KATNAL2: variants seen among roughly 807,000 people sequenced by gnomAD.
KATNAL2 encodes the protein katanin catalytic subunit A1 like 2.
KATNAL2 carries 52 observed loss-of-function variants against 76.3 expected under a neutral mutation model. The observed-to-expected ratio is 0.68, with a 90% CI of 0.55 to 0.86. The LOEUF (loss-of-function observed/expected upper bound fraction) is 0.86. KATNAL2 is among the 40% of genes least tolerant of loss of function. The probability of loss-of-function intolerance (pLI) is 0.00; values close to 1 mark genes in which losing one functional copy is unlikely to be tolerated. For synonymous variants in KATNAL2, 243 were observed against 244.2 expected (o/e 1.00, Z 0.05); for missense variants, 660 against 668.9 (o/e 0.99, Z 0.15).
intron 16 of KATNAL2, among the ~76,000 whole-genome samples, chr18:47,099,799 C>T (rs191930132): frequency 6.6e-6 from 1 of 152,304 alleles, no homozygotes; most frequent in East Asian, 1.9e-4. Flanking sequence ...AGGTACATGT[C>T]TATTATGCCC....
At chr18:47,053,250 T>C (rs1599677943) in intron 5 of KATNAL2, among the ~76,000 whole-genome samples, 1 of 152,316 alleles carries the variant, frequency 6.6e-6, no homozygotes, top group Middle Eastern at 3.4e-3. Flanking sequence ...ACTTTGGCAT[T>C]TGTTTGAGAA....
chr18:47,063,235 A>T, intron 9 of KATNAL2, 49 bp from the exon 10 acceptor site: 1 of 1,586,448 alleles, frequency 6.3e-7, no homozygotes, highest in Non-Finnish European at 8.6e-7. Context: ...GTTTCTTCCT[A>T]AATTATGAAG....
rs142098933 is a variant in KATNAL2 at position 47,046,832 on chromosome 18, C to T, written c.122+305C>T. 1.5e-3 allele frequency among the ~76,000 whole-genome samples: 231 copies of T among 152,236 alleles called. 1 individual carries two copies. Among genetic ancestry groups the T allele is most frequent in the East Asian group, 6.0e-3 (31 of 5,176 alleles). On this transcript the variant is annotated intron_variant, in intron 4 of 17. Coordinates refer to ENST00000683218, the MANE Select transcript of KATNAL2 (RefSeq NM_001387690.1). Reference sequence around the variant, plus strand: ...ATTGTGCTGTGAGTTTTGACAAATGCGTAATGGCCATGTATTTGCCAATAT... The same window carrying T: ...ATTGTGCTGTGAGTTTTGACAAATGTGTAATGGCCATGTATTTGCCAATAT...
intron 3 of KATNAL2, among the ~76,000 whole-genome samples, chr18:46,955,251 T>C (rs1206358560): frequency 1.3e-5 from 2 of 150,228 alleles, no homozygotes; most frequent in Admixed American, 6.6e-5. Flanking sequence ...AGTTTCACTC[T>C]TGTTGCCCAG....
At chr18:47,033,181 C>G in intron 3 of KATNAL2, 1 of 1,614,046 alleles carries the variant, frequency 6.2e-7, no homozygotes, top group Non-Finnish European at 8.5e-7. Context: ...GCTGCTGTCT[C>G]TGCCACCGCC....
intron 5 of KATNAL2, 93 bp from the exon 6 acceptor site, chr18:47,054,303 G>T: frequency 1.8e-6 from 2 of 1,138,462 alleles, no homozygotes; most frequent in South Asian, 2.6e-5. Flanking sequence ...CAAATTTTAA[G>T]AACAATGCAA....
intron 15 of KATNAL2, among the ~76,000 whole-genome samples, chr18:47,096,265 A>C (rs2063230818): frequency 6.6e-6 from 1 of 152,232 alleles, no homozygotes; most frequent in Non-Finnish European, 1.5e-5. Flanking sequence ...ATGGGAAGAC[A>C]GTTTAGATAT....
At chr18:46,961,508 C>T (rs2059951407) in intron 3 of KATNAL2, among the ~76,000 whole-genome samples, 1 of 152,174 alleles carries the variant, frequency 6.6e-6, no homozygotes, top group Non-Finnish European at 1.5e-5. Context: ...AAGGGTAATA[C>T]ACAGGGGAAG....
At chr18:47,075,792 A>G (rs546665994) in intron 14 of KATNAL2, among the ~76,000 whole-genome samples, 5 of 152,246 alleles carry the variant, frequency 3.3e-5, no homozygotes, top group African/African-American at 1.2e-4. Context: ...CCTGAGAGGC[A>G]GTCCTCGACG....
chr18:47,059,421 G>A (rs897719773), intron 7 of KATNAL2, 135 bp from the exon 8 acceptor site: 9 of 677,724 alleles, frequency 1.3e-5, no homozygotes, highest in Middle Eastern at 4.1e-4. Context: ...CACAAATGTG[G>A]CTAAGCTACA....
At chr18:46,944,537 C>T (rs1272881215) in intron 1 of KATNAL2, among the ~76,000 whole-genome samples, 2 of 152,042 alleles carry the variant, frequency 1.3e-5, no homozygotes, top group African/African-American at 4.8e-5. Context: ...GAGTTCGAGA[C>T]CAGCCTGGCC....
Position 46,921,254 on chromosome 18 carries a change from A to C in KATNAL2, c.-510+3328A>C, listed in dbSNP as rs150409443. ...AGCAATTCTCTGCCTCAGCCTCCCA[A>C]GTAGCTGGGATTACAGGCACCCGCC... On this transcript the variant is annotated intron_variant, in intron 1 of 17. Transcript: ENST00000683218. 3.7e-3 allele frequency among the ~76,000 whole-genome samples: 567 copies of C among 152,202 alleles called. 1 individual carries two copies. The highest frequency in any genetic ancestry group is 6.0e-3 in the Non-Finnish European group (408 of 68,012).
intron 1 of KATNAL2, among the ~76,000 whole-genome samples, chr18:46,938,247 T>C (rs2059148741): frequency 6.6e-6 from 1 of 152,272 alleles, no homozygotes; most frequent in African/African-American, 2.4e-5. Context: ...TCAAAAAACA[T>C]AAATGCTATA....
chr18:47,070,719 G>A (rs1354784242), intron 13 of KATNAL2, among the ~76,000 whole-genome samples: 1 of 152,120 alleles, frequency 6.6e-6, no homozygotes, highest in East Asian at 1.9e-4. Context: ...AGTCATAATA[G>A]AATATGTTTA....
Position 46,932,673 on chromosome 18 carries a change from CAAAAAAA to C in KATNAL2, c.-509-13366_-509-13360del, listed in dbSNP as rs1162695359. On this transcript the variant is annotated intron_variant, in intron 1 of 17. Transcript: ENST00000683218. Reference sequence around the variant, plus strand: ...TGGGCAACAGAGCAAGACTCTGTCTCAAAAAAAAAAAAAAAAAAAAAAAAGCATTCTT... The same window carrying C: ...TGGGCAACAGAGCAAGACTCTGTCTCAAAAAAAAAAAAAAAAAGCATTCTT... 8.0e-3 allele frequency among the ~76,000 whole-genome samples: 343 copies of C among 42,878 alleles called. 2 individuals carry two copies. The highest frequency in any genetic ancestry group is 0.029 in the African/African-American group (322 of 11,116). The allele number at this position is 42,878 out of a possible 152,430, so 28.1% of individuals were successfully genotyped here. A position where few individuals can be genotyped will look rare whatever the true frequency, so the allele number is the denominator to read the frequency against.
At chr18:47,063,502 T>A in intron 10 of KATNAL2, 141 bp downstream of exon 10, 1 of 605,368 alleles carries the variant, frequency 1.7e-6, no homozygotes, top group East Asian at 2.8e-5. Flanking sequence ...ACTCATATTG[T>A]TTAGAGGCAC....
At chr18:46,928,040 G>A (rs2058784259) in intron 1 of KATNAL2, among the ~76,000 whole-genome samples, 1 of 152,070 alleles carries the variant, frequency 6.6e-6, no homozygotes, top group Non-Finnish European at 1.5e-5. Flanking sequence ...ATTTCCTCCT[G>A]TAGCTCGGAG....
At chr18:46,952,009 G>C (rs2059571961) in intron 3 of KATNAL2, among the ~76,000 whole-genome samples, 1 of 152,132 alleles carries the variant, frequency 6.6e-6, no homozygotes, top group Non-Finnish European at 1.5e-5. Flanking sequence ...CTGGCCTCAA[G>C]TGCTCCACCT....
Position 47,098,294 on chromosome 18 carries a change from A to C in KATNAL2, c.1212-949A>C, listed in dbSNP as rs548213638. Reference sequence around the variant, plus strand: ...CATATCCAAGACTGGGAAGAAAAAAAAATTAACTGGACTTACAGTTTCACA... The same window carrying C: ...CATATCCAAGACTGGGAAGAAAAAACAATTAACTGGACTTACAGTTTCACA... On this transcript the variant is annotated intron_variant, in intron 15 of 17. Coordinates refer to ENST00000683218, the MANE Select transcript of KATNAL2 (RefSeq NM_001387690.1). 1.9e-5 allele frequency: 6 copies of C among 313,838 alleles called. No individual in the cohort carries two copies. The East Asian group carries it at 3.2e-4, about 17-fold the overall frequency. The allele number at this position is 313,838 out of a possible 1,614,324, so 19.4% of individuals were successfully genotyped here. A position where few individuals can be genotyped will look rare whatever the true frequency, so the allele number is the denominator to read the frequency against.
Sources: allele counts gnomAD v4.1 joint callset (sites outside exome capture counted in the v4.1 genomes callset), GRCh38; gene constraint gnomAD v4.1.1; transcripts MANE v1.5; gene names NCBI Gene and HGNC (gene_info 2026-07-23, HGNC 2026-07-21).